Variants in SNTG1 observed in about 807,000 individuals in gnomAD.
The protein encoded by SNTG1 is gamma-1-syntrophin.
In SNTG1, 39 loss-of-function variants were observed where a neutral mutation model predicts 74.7. That is an observed-to-expected ratio of 0.52 (90% CI 0.40 to 0.68). The LOEUF (loss-of-function observed/expected upper bound fraction) is 0.68, where lower values mean the gene tolerates loss of function less well. Ranked by LOEUF, SNTG1 falls within the 30% of genes least tolerant of loss-of-function variation. The pLI, the probability that SNTG1 is intolerant of heterozygous loss-of-function variation, is 0.00. For missense variants in SNTG1, 685 were observed against 609.5 expected (o/e 1.12, Z -1.30); for synonymous variants, 254 against 217.1 (o/e 1.17, Z -1.49).
intron 2 of SNTG1, among the ~76,000 whole-genome samples, chr8:50,291,998 T>C (rs905884102): frequency 6.6e-6 from 1 of 152,134 alleles, no homozygotes; most frequent in Non-Finnish European, 1.5e-5. Flanking sequence ...GGTGTGTGTG[T>C]GTGTGTGTGC....
At chr8:50,662,127 A>G (rs1343017983) in intron 15 of SNTG1, among the ~76,000 whole-genome samples, 6 of 152,172 alleles carry the variant, frequency 3.9e-5, no homozygotes, top group African/African-American at 7.2e-5. Flanking sequence ...AGCCTAAATC[A>G]GAGGGGGAGT....
intron 1 of SNTG1, among the ~76,000 whole-genome samples, chr8:50,152,462 G>A (rs184077856): frequency 2.6e-5 from 4 of 152,282 alleles, no homozygotes; most frequent in East Asian, 3.9e-4. Context: ...ATGTTATCTG[G>A]TTATTTTGCT....
chr8:50,521,670 C>A (rs763148681), intron 9 of SNTG1, among the ~76,000 whole-genome samples: 1 of 152,134 alleles, frequency 6.6e-6, no homozygotes, highest in Non-Finnish European at 1.5e-5. Flanking sequence ...GAACTTCCTT[C>A]AAAATTAGTC....
chr8:50,771,490 G>A (rs979978196), intron 18 of SNTG1, among the ~76,000 whole-genome samples: 3 of 152,094 alleles, frequency 2.0e-5, no homozygotes, highest in African/African-American at 7.2e-5. Context: ...GCAAAGACAT[G>A]ACCTAAAAGC....
rs79494979 is a variant in SNTG1, at chr8:50,748,657, C to T, written c.1285-3344C>T. Among the ~76,000 whole-genome samples the T allele has an allele frequency of 4.0e-3, 607 of 152,092 alleles. 1 individual carries two copies. Among genetic ancestry groups the T allele is most frequent in the Non-Finnish European group, 6.8e-3 (465 of 67,962 alleles). Reference sequence around the variant, plus strand: ...CTGTTTTTCCAACAGCGTGCGCTTACTTTGTATCTCTGTGTCACATTTTGG... The same window carrying T: ...CTGTTTTTCCAACAGCGTGCGCTTATTTTGTATCTCTGTGTCACATTTTGG... On this transcript the variant is annotated intron_variant, in intron 17 of 18. Coordinates refer to ENST00000642720, the MANE Select transcript of SNTG1 (RefSeq NM_018967.5).
chr8:50,476,894 A>G (rs543466683), intron 8 of SNTG1, among the ~76,000 whole-genome samples: 1 of 151,844 alleles, frequency 6.6e-6, no homozygotes, highest in East Asian at 1.9e-4. Context: ...ACAGAGGGAT[A>G]AACATACACA....
intron 15 of SNTG1, among the ~76,000 whole-genome samples, chr8:50,672,479 T>C (rs1324911969): frequency 2.6e-5 from 4 of 152,182 alleles, no homozygotes; most frequent in African/African-American, 9.6e-5. Flanking sequence ...CACATAAAAG[T>C]CTTCTCTTGA....
intron 1 of SNTG1, among the ~76,000 whole-genome samples, chr8:50,129,922 G>A (rs2081265453): frequency 6.6e-6 from 1 of 152,096 alleles, no homozygotes; most frequent in Non-Finnish European, 1.5e-5. Context: ...ACAGGCGTGA[G>A]CCACTGCACC....
rs535905355 is a variant in SNTG1, at chr8:50,789,308, A to G, written c.1396-3363A>G. ...TTGCACTCACTTTCTTGGCAACTAC[A>G]GCTATTTCTTCTTTGCTGGTTCTAC... is the stretch of plus-strand genomic sequence containing the variant. On this transcript the variant is annotated intron_variant, in intron 18 of 18. Coordinates refer to ENST00000642720, the MANE Select transcript of SNTG1 (RefSeq NM_018967.5). 7.2e-5 allele frequency among the ~76,000 whole-genome samples: 11 copies of G among 152,036 alleles called. No individual in the cohort carries two copies. In the East Asian group the frequency reaches 2.1e-3, roughly 30 times the overall value.
In SNTG1 at chr8:50,450,652, A is replaced by G. The variant is rs778778292; in HGVS notation, c.322-36A>G. The G allele has an allele frequency of 5.6e-6, 9 of 1,613,300 alleles. No individual in the cohort carries two copies. In the Admixed American group the frequency reaches 1.0e-4, roughly 18 times the overall value. ...TCAAAACATTAACTCAATTTACAAT[A>G]TGCCATGGGAAACTATGCTTTTCTT... is the stretch of plus-strand genomic sequence containing the variant. On this transcript the variant is annotated intron_variant, in intron 7 of 18. Transcript: ENST00000642720.
At chr8:50,763,046 A>G (rs187695920) in intron 18 of SNTG1, among the ~76,000 whole-genome samples, 1 of 152,020 alleles carries the variant, frequency 6.6e-6, no homozygotes, top group East Asian at 2.0e-4. Context: ...CTGAGCCTCC[A>G]GCAAGTCATC....
chr8:50,462,794 CTCTTTTTTTTTTTTTTTTTT>C lies in SNTG1; in HGVS notation c.363+12067_363+12086del, dbSNP rs1196139571. Among the ~76,000 whole-genome samples the C allele has an allele frequency of 4.0e-3, 176 of 43,620 alleles. 3 individuals are homozygous for C. The highest frequency in any genetic ancestry group is 0.012 in the African/African-American group (163 of 13,404). 28.6% of individuals were successfully genotyped at this position (43,620 alleles called of 152,430 possible). The stretch of plus-strand genomic sequence containing the variant: ...AACTCAGTCGCATCTTCAGGTTCTA[CTCTTTTTTTTTTTTTTTTTT>C]TTTTTTTTTTTTTTTTTTTTTGAGA... On this transcript the variant is annotated intron_variant, in intron 8 of 18. Coordinates refer to ENST00000642720, the MANE Select transcript of SNTG1 (RefSeq NM_018967.5).
At chr8:50,037,353 T>C (rs2130793567) in intron 1 of SNTG1, among the ~76,000 whole-genome samples, 1 of 152,304 alleles carries the variant, frequency 6.6e-6, no homozygotes, top group African/African-American at 2.4e-5. Context: ...AGGTCTAACG[T>C]GGGGCCTGAG....
intron 1 of SNTG1, among the ~76,000 whole-genome samples, chr8:49,944,085 C>T (rs1247021505): frequency 6.6e-6 from 1 of 152,044 alleles, no homozygotes; most frequent in Non-Finnish European, 1.5e-5. Flanking sequence ...TGTCCCCTTC[C>T]AAATTATTTC....
chr8:50,188,230 A>G (rs1251039760), intron 2 of SNTG1, among the ~76,000 whole-genome samples: 1 of 152,116 alleles, frequency 6.6e-6, no homozygotes, highest in Admixed American at 6.6e-5. Context: ...TGCCACCAAT[A>G]TTCCAATCAC....
At chr8:49,926,613 T>A (rs1585527350) in intron 1 of SNTG1, among the ~76,000 whole-genome samples, 2 of 152,114 alleles carry the variant, frequency 1.3e-5, no homozygotes, top group Admixed American at 1.3e-4. Flanking sequence ...TTCATCCAAA[T>A]GTAAAATTCA....
At chr8:50,010,633 C>T (rs395578) in intron 1 of SNTG1, among the ~76,000 whole-genome samples, 1 of 151,832 alleles carries the variant, frequency 6.6e-6, no homozygotes. Context: ...ATGCAGTTAT[C>T]TTAAATTTTG....
At chr8:50,422,379 G>A (rs576933495) in intron 4 of SNTG1, among the ~76,000 whole-genome samples, 7 of 151,968 alleles carry the variant, frequency 4.6e-5, no homozygotes, top group Non-Finnish European at 1.0e-4. Context: ...CAGATCTAAT[G>A]AGCAAATGTA....
At chr8:50,222,067 G>T (rs1277698902) in intron 2 of SNTG1, among the ~76,000 whole-genome samples, 1 of 152,152 alleles carries the variant, frequency 6.6e-6, no homozygotes, top group Admixed American at 6.5e-5. Context: ...CTGGGTGAGG[G>T]TCACAGGAGT....
Sources: gnomAD v4.1 joint callset for allele counts (sites outside exome capture counted in the v4.1 genomes callset) on GRCh38, gnomAD v4.1.1 for gene constraint, MANE v1.5 for transcripts, NCBI Gene and HGNC (gene_info 2026-07-23, HGNC 2026-07-21) for gene names.